CHODL: variants seen among roughly 807,000 people sequenced by gnomAD.
CHODL encodes the protein transmembrane protein MT75.
CHODL carries 29 observed loss-of-function variants against 34.5 expected under a neutral mutation model. The observed-to-expected ratio is 0.84, with a 90% CI of 0.63 to 1.15. The LOEUF is 1.15. Among genes scored for constraint, CHODL ranks in the 50% most tolerant of loss-of-function variants. CHODL has a pLI of 0.00. For missense variants in CHODL, 332 were observed against 332.5 expected (o/e 1.00, Z 0.01); for synonymous variants, 125 against 116.1 (o/e 1.08, Z -0.49).
Position 18,128,164 on chromosome 21 carries a change from G to C in CHODL, c.-45+100193G>C, listed in dbSNP as rs142441099. Among the ~76,000 whole-genome samples the C allele has an allele frequency of 1.8e-4, 27 of 151,406 alleles. No individual in the cohort carries two copies. The Middle Eastern group carries it at 0.01, about 58-fold the overall frequency. Reference sequence around the variant, plus strand: ...AAATACAAAAAAATTAGCTGGGCGTGGTGGCGGGCGCCTGTAGTCCCGGCT... The same window carrying C: ...AAATACAAAAAAATTAGCTGGGCGTCGTGGCGGGCGCCTGTAGTCCCGGCT... On this transcript the variant is annotated intron_variant, in intron 2 of 6. Coordinates refer to the CHODL transcript ENST00000400127.
intron 2 of CHODL, among the ~76,000 whole-genome samples, chr21:18,076,316 T>C (rs1248662630): frequency 1.3e-5 from 2 of 152,120 alleles, no homozygotes; most frequent in Non-Finnish European, 2.9e-5. Flanking sequence ...ATGAGGAACA[T>C]GTTATTGGAG....
At chr21:17,952,194 C>CAAAAAAAAAAAAAA (rs58511535) in intron 1 of CHODL, among the ~76,000 whole-genome samples, 6 of 80,360 alleles carry the variant, frequency 7.5e-5, no homozygotes, top group Non-Finnish European at 1.1e-4. Flanking sequence ...TACTATGTCT[C>CAAAAAAAAAAAAAA]AAAAAAAAAA....
intron 2 of CHODL, among the ~76,000 whole-genome samples, chr21:18,198,385 G>A (rs2146704397): frequency 6.6e-6 from 1 of 152,120 alleles, no homozygotes; most frequent in South Asian, 2.1e-4. Context: ...GTCTCAAATG[G>A]TAACATATAA....
chr21:18,152,878 T>C (rs1049530465), intron 2 of CHODL, among the ~76,000 whole-genome samples: 3 of 152,174 alleles, frequency 2.0e-5, no homozygotes, highest in Admixed American at 6.5e-5. Flanking sequence ...ATAAATCTTC[T>C]GACAGAAGTT....
chr21:18,101,173 A>G (rs2065208676), intron 2 of CHODL, among the ~76,000 whole-genome samples: 1 of 152,082 alleles, frequency 6.6e-6, no homozygotes, highest in South Asian at 2.1e-4. Context: ...ATGGTTTTTA[A>G]AAACGGGAGT....
At chr21:18,057,563 G>C (rs1210344590) in intron 2 of CHODL, among the ~76,000 whole-genome samples, 1 of 151,754 alleles carries the variant, frequency 6.6e-6, no homozygotes, top group Non-Finnish European at 1.5e-5. Context: ...CATTTTATGG[G>C]TTTTGTCAAA....
chr21:18,210,888 TAA>T lies in CHODL; in HGVS notation c.-44-45618_-44-45617del, dbSNP rs2073765629. Among the ~76,000 whole-genome samples, 3 of 152,178 alleles carry T rather than the reference TAA, an allele frequency of 2.0e-5. 1 individual carries two copies. Among genetic ancestry groups the T allele is most frequent in the South Asian group, 4.1e-4 (2 of 4,836 alleles). On this transcript the variant is annotated intron_variant, in intron 2 of 6. Transcript: ENST00000400127. ...CAAAGTTGTTCCATCACATTCAGAA[TAA>T]AAGTTAAAGTCATTAAAATGGCCTT... is the stretch of plus-strand genomic sequence containing the variant.
Position 18,245,356 on chromosome 21 carries a change from C to T in CHODL, c.79+54C>T. 1.0e-5 allele frequency: 14 copies of T among 1,400,764 alleles called. No individual in the cohort carries two copies. In the South Asian group the frequency reaches 1.2e-4, roughly 12 times the overall value. The allele number at this position is 1,400,764 out of a possible 1,614,324, so 86.8% of individuals were successfully genotyped here. A position where few individuals can be genotyped will look rare whatever the true frequency, so the allele number is the denominator to read the frequency against. On this transcript the variant is annotated intron_variant, in intron 1 of 5. Coordinates refer to ENST00000299295, the MANE Select transcript of CHODL (RefSeq NM_024944.3). ...CGAGCGGGGAGAGGGGACCACGGGG[C>T]GCGGCGGGCAGCCTGTTCTCGGGCG... is the stretch of plus-strand genomic sequence containing the variant.
At chr21:18,250,475 T>C (rs1325367307) in intron 1 of CHODL, among the ~76,000 whole-genome samples, 2 of 151,926 alleles carry the variant, frequency 1.3e-5, no homozygotes, top group East Asian at 3.9e-4. Flanking sequence ...ATAAATTTGT[T>C]TATTAATGTA....
At chr21:17,962,524 G>A (rs375669318) in intron 1 of CHODL, among the ~76,000 whole-genome samples, 32 of 152,298 alleles carry the variant, frequency 2.1e-4, no homozygotes, top group African/African-American at 7.7e-4. Context: ...TGTCTGTGCT[G>A]TCTGGGGTAG....
intron 2 of CHODL, among the ~76,000 whole-genome samples, chr21:18,211,736 A>G (rs191663269): frequency 5.3e-5 from 8 of 152,342 alleles, no homozygotes; most frequent in East Asian, 1.9e-4. Context: ...CAAGTGTGCA[A>G]TAGTCACATA....
At chr21:18,202,208 A>C (rs990439032) in intron 2 of CHODL, among the ~76,000 whole-genome samples, 15 of 152,206 alleles carry the variant, frequency 9.9e-5, no homozygotes, top group Admixed American at 9.8e-4. Flanking sequence ...AATGAAATGG[A>C]TAGTTTCTGA....
intron 5 of CHODL, among the ~76,000 whole-genome samples, chr21:18,265,219 G>GTA (rs369683491): frequency 0.02 from 2,842 of 145,584 alleles, 106 homozygotes; most frequent in African/African-American, 0.065. Flanking sequence ...ATATGTATGT[G>GTA]TATATATATA....
At chr21:18,224,834 A>G (rs1269021734) in intron 2 of CHODL, among the ~76,000 whole-genome samples, 1 of 151,986 alleles carries the variant, frequency 6.6e-6, no homozygotes, top group East Asian at 1.9e-4. Context: ...TTTTCCTTCA[A>G]CTTCTTATAA....
At chr21:18,197,195 G>A (rs950076401) in intron 2 of CHODL, among the ~76,000 whole-genome samples, 1 of 152,072 alleles carries the variant, frequency 6.6e-6, no homozygotes, top group Non-Finnish European at 1.5e-5. Flanking sequence ...ATATACTGAA[G>A]TAAATATAAA....
At chr21:18,105,101 G>A (rs2065257795) in intron 2 of CHODL, among the ~76,000 whole-genome samples, 1 of 152,096 alleles carries the variant, frequency 6.6e-6, no homozygotes, top group African/African-American at 2.4e-5. Context: ...TCTCCTTTTT[G>A]GCAACTAGAG....
At chr21:18,097,067 T>C (rs1274191908) in intron 2 of CHODL, among the ~76,000 whole-genome samples, 1 of 152,150 alleles carries the variant, frequency 6.6e-6, no homozygotes, top group Admixed American at 6.6e-5. Context: ...AGAAGGAATA[T>C]ATCTCAACAT....
At chr21:18,145,893 G>T (rs1260272382) in intron 2 of CHODL, among the ~76,000 whole-genome samples, 1 of 152,170 alleles carries the variant, frequency 6.6e-6, no homozygotes, top group Non-Finnish European at 1.5e-5. Flanking sequence ...GCTCAATACG[G>T]AGTTAAATTG....
chr21:18,015,511 G>A (rs1424813254), intron 1 of CHODL, among the ~76,000 whole-genome samples: 1 of 152,128 alleles, frequency 6.6e-6, no homozygotes, highest in Non-Finnish European at 1.5e-5. Context: ...CCGAGAATTG[G>A]TACCAGAGAA....
Sources: allele counts gnomAD v4.1 joint callset (sites outside exome capture counted in the v4.1 genomes callset), GRCh38; gene constraint gnomAD v4.1.1; transcripts MANE v1.5; gene names NCBI Gene and HGNC (gene_info 2026-07-23, HGNC 2026-07-21).